UNC13C: variants seen among roughly 807,000 people sequenced by gnomAD.
UNC13C encodes the protein unc-13 homolog C.
Under a neutral mutation model 245.4 loss-of-function variants are expected in UNC13C, and 174 were observed. That is an observed-to-expected ratio of 0.71 (90% CI 0.63 to 0.80). UNC13C has a LOEUF of 0.80. Among genes scored for constraint, UNC13C ranks in the 30% least tolerant of loss-of-function variants. The pLI is 0.00. For missense variants in UNC13C, 2,829 were observed against 2,602.9 expected (o/e 1.09, Z -1.89); for synonymous variants, 992 against 895.1 (o/e 1.11, Z -1.93).
intron 2 of UNC13C, among the ~76,000 whole-genome samples, chr15:54,072,052 G>C (rs1898354200): frequency 6.6e-6 from 1 of 152,064 alleles, no homozygotes; most frequent in Admixed American, 6.5e-5. Context: ...CTCCTTCTCT[G>C]TTGCAGAATT....
chr15:54,617,493 A>G, intron 30 of UNC13C, among the ~76,000 whole-genome samples: 1 of 152,052 alleles, frequency 6.6e-6, no homozygotes, highest in East Asian at 1.9e-4. Flanking sequence ...CAGGCAACTA[A>G]CATCTGAATC....
intron 2 of UNC13C, among the ~76,000 whole-genome samples, chr15:54,046,749 A>G (rs1229300059): frequency 6.6e-6 from 1 of 152,000 alleles, no homozygotes; most frequent in Non-Finnish European, 1.5e-5. Context: ...TATAGAAAAT[A>G]TATAAACAGT....
At chr15:53,880,167 G>A in the UNC13C span, among the ~76,000 whole-genome samples, 1 of 152,124 alleles carries the variant, frequency 6.6e-6, no homozygotes. Flanking sequence ...GGATTAAAAT[G>A]CAGGATCTCC....
chr15:53,896,281 C>T, the UNC13C span, among the ~76,000 whole-genome samples: 1 of 151,972 alleles, frequency 6.6e-6, no homozygotes, highest in Non-Finnish European at 1.5e-5. Flanking sequence ...CATATATGTA[C>T]CAAATACAAT....
At chr15:54,440,977 A>C (rs765498596) in intron 19 of UNC13C, among the ~76,000 whole-genome samples, 1 of 151,926 alleles carries the variant, frequency 6.6e-6, no homozygotes, top group African/African-American at 2.4e-5. Flanking sequence ...ATGTCTATTC[A>C]TGTCATTTGA....
chr15:54,399,481 A>T (rs2040137304), intron 18 of UNC13C, among the ~76,000 whole-genome samples: 1 of 151,834 alleles, frequency 6.6e-6, no homozygotes, highest in Non-Finnish European at 1.5e-5. Context: ...ACCAAAACAT[A>T]AGCAGAAATA....
chr15:54,485,810 C>T (rs538514467), intron 19 of UNC13C, among the ~76,000 whole-genome samples: 2 of 152,250 alleles, frequency 1.3e-5, no homozygotes, highest in South Asian at 4.1e-4. Flanking sequence ...ATTTCACTGT[C>T]TGTATTCTCC....
chr15:53,889,283 A>T, the UNC13C span, among the ~76,000 whole-genome samples: 2 of 152,048 alleles, frequency 1.3e-5, no homozygotes, highest in Admixed American at 6.5e-5. Flanking sequence ...TGTAAGCTGT[A>T]TTCCTAGGTA....
intron 1 of UNC13C, among the ~76,000 whole-genome samples, chr15:54,010,150 GT>G (rs1895317915): frequency 6.6e-6 from 1 of 152,076 alleles, no homozygotes; most frequent in Non-Finnish European, 1.5e-5. Context: ...TATTGTTTAT[GT>G]TTTAGTTCAT....
In UNC13C at chr15:54,015,579, G is replaced by A. The variant is rs745383888; in HGVS notation, c.2676G>A (p.Arg892=). 6.2e-7 allele frequency: 1 copy of A among 1,613,738 alleles called. No homozygotes were observed. The highest frequency in any genetic ancestry group is 1.1e-5 in the South Asian group (1 of 91,070). Reference sequence around the variant, plus strand: ...AAGTCCTTGCTAAACTAGAAAACAGGACTAGTATTACTGAAACAGATGAAC... The same window carrying A: ...AAGTCCTTGCTAAACTAGAAAACAGAACTAGTATTACTGAAACAGATGAAC... ...MEQVLAKLEN[R]TSITETDEQM... Residue 892 remains arginine, a synonymous_variant, in exon 2 of 33, where the codon AGG becomes AGA. Transcript: ENST00000260323.
chr15:54,534,921 A>G (rs1895923828), intron 26 of UNC13C, among the ~76,000 whole-genome samples: 1 of 152,206 alleles, frequency 6.6e-6, no homozygotes, highest in Non-Finnish European at 1.5e-5. Flanking sequence ...GCTAAACATG[A>G]AAATGAAAGA....
intron 16 of UNC13C, among the ~76,000 whole-genome samples, chr15:54,337,241 T>C (rs537427661): frequency 6.6e-6 from 1 of 152,318 alleles, no homozygotes; most frequent in East Asian, 1.9e-4. Flanking sequence ...ACCGGATTTA[T>C]TTCTTGGACC....
At chr15:54,149,623 T>G (rs1471188653) in intron 4 of UNC13C, among the ~76,000 whole-genome samples, 2 of 152,200 alleles carry the variant, frequency 1.3e-5, no homozygotes, top group African/African-American at 4.8e-5. Flanking sequence ...TTCTTCCACA[T>G]TAAATCTAAT....
intron 1 of UNC13C, among the ~76,000 whole-genome samples, chr15:53,984,961 T>TC (rs1894070619): frequency 6.6e-6 from 1 of 152,102 alleles, no homozygotes; most frequent in Non-Finnish European, 1.5e-5. Flanking sequence ...TTAGCGACTT[T>TC]CTTTTTTTTT....
intron 8 of UNC13C, among the ~76,000 whole-genome samples, chr15:54,260,750 A>G (rs905512756): frequency 6.7e-6 from 1 of 149,024 alleles, no homozygotes; most frequent in African/African-American, 2.4e-5. Flanking sequence ...TTTATATATA[A>G]AGTTACGTAT....
intron 30 of UNC13C, among the ~76,000 whole-genome samples, chr15:54,602,304 C>G (rs10220855): frequency 0.64 from 97,787 of 151,916 alleles, 31,500 homozygotes; most frequent in East Asian, 0.73. Context: ...GTTTCTAATT[C>G]TTGGAGAACA....
the UNC13C span, chr15:53,911,221 G>A: frequency 6.6e-5 from 10 of 152,318 alleles, no homozygotes; most frequent in African/African-American, 2.4e-4. Flanking sequence ...AGGACCTGGG[G>A]GTGGGGGACC....
chr15:53,960,639 C>T, the UNC13C span, among the ~76,000 whole-genome samples: 1 of 152,166 alleles, frequency 6.6e-6, no homozygotes, highest in Non-Finnish European at 1.5e-5. Context: ...TAAATAGTAA[C>T]TAACCACTCT....
intron 4 of UNC13C, among the ~76,000 whole-genome samples, chr15:54,161,278 T>C (rs2032962767): frequency 6.6e-6 from 1 of 152,056 alleles, no homozygotes; most frequent in African/African-American, 2.4e-5. Context: ...TCTCAAAGTT[T>C]ATAAGTTGAA....
Sources: gnomAD v4.1 joint callset for allele counts (sites outside exome capture counted in the v4.1 genomes callset) on GRCh38, gnomAD v4.1.1 for gene constraint, MANE v1.5 for transcripts, NCBI Gene and HGNC (gene_info 2026-07-23, HGNC 2026-07-21) for gene names.